The following PDE10A variants were observed in gnomAD, a reference collection of about 807,000 sequenced individuals.
PDE10A encodes cAMP and cAMP-inhibited cGMP 3',5'-cyclic phosphodiesterase 10A.
A neutral mutation model predicts 97.7 loss-of-function variants in PDE10A; 39 were observed. The observed-to-expected ratio is 0.40, with a 90% CI of 0.31 to 0.52. PDE10A has a LOEUF of 0.52. Among genes scored for constraint, PDE10A ranks in the 20% least tolerant of loss-of-function variants. The pLI is 0.56. For missense variants in PDE10A, 731 were observed against 1,047.8 expected, an observed-to-expected ratio of 0.70 and a Z score of 4.17; for synonymous variants, 371 against 376.8, an observed-to-expected ratio of 0.98 and a Z score of 0.18.
intron 1 of PDE10A, among the ~76,000 whole-genome samples, chr6:165,607,470 T>C (rs538852414): frequency 3.3e-5 from 5 of 152,308 alleles, no homozygotes; most frequent in East Asian, 1.9e-4. Flanking sequence ...GCATAGGGAT[T>C]GTAGCCTAGG....
intron 1 of PDE10A, among the ~76,000 whole-genome samples, chr6:165,645,134 C>A (rs185135685): frequency 4.6e-5 from 7 of 152,294 alleles, no homozygotes; most frequent in Admixed American, 4.6e-4. Context: ...AGGCGCACAT[C>A]TGAGCCTTGC....
At chr6:165,473,445 AAAT>A (rs1342239670) in intron 3 of PDE10A, among the ~76,000 whole-genome samples, 1 of 152,182 alleles carries the variant, frequency 6.6e-6, no homozygotes, top group Non-Finnish European at 1.5e-5. Flanking sequence ...TTCAGAAGGT[AAAT>A]TCCAGTGTGA....
At chr6:165,460,363 G>A (rs1849204) in intron 3 of PDE10A, among the ~76,000 whole-genome samples, 68,091 of 152,048 alleles carry the variant, frequency 0.45, 16,130 homozygotes, top group African/African-American at 0.59. Context: ...CAGAGCCAGG[G>A]AAGCACAAAG....
chr6:165,336,214 G>T lies in PDE10A; in HGVS notation c.2977-3C>A. The T allele has an allele frequency of 6.2e-7, 1 of 1,611,738 alleles. No homozygotes were observed. Among genetic ancestry groups the T allele is most frequent in the Non-Finnish European group, 8.5e-7 (1 of 1,178,062 alleles). The stretch of plus-strand genomic sequence containing the variant: ...GCCACGGCATTGTAGAACCCAAGCT[G>T]CCTCCATGCAAAAACCACGGACAAG... On this transcript the variant is annotated splice_polypyrimidine_tract_variant and splice_region_variant and intron_variant, in intron 20 of 21. Coordinates refer to ENST00000539869, the MANE Select transcript of PDE10A (RefSeq NM_001385079.1).
rs567261107 is a variant in PDE10A at position 165,739,557 on chromosome 6, G to T, written c.-614-195989C>A. ...AATGCTAGAAGAAAACAGAGAAAAA[G>T]CTTTTGAAATTGGTCTGGGCTATGA... On this transcript the variant is annotated intron_variant, in intron 1 of 19. Transcript: ENST00000366882. Among the ~76,000 whole-genome samples, 11 of 151,716 alleles carry T rather than the reference G, an allele frequency of 7.3e-5. No individual in the cohort carries two copies. In the South Asian group the frequency reaches 2.3e-3, roughly 32 times the overall value.
chr6:165,619,439 GTAGTATAGTC>G (rs2128407360), intron 1 of PDE10A, among the ~76,000 whole-genome samples: 1 of 15,460 alleles, frequency 6.5e-5, no homozygotes, highest in Admixed American at 5.6e-4. Context: ...ATAGTGTAGT[GTAGTATAGTC>G]TAGTGTAGTG....
intron 1 of PDE10A, among the ~76,000 whole-genome samples, chr6:165,935,656 C>A (rs1484816286): frequency 1.3e-5 from 2 of 152,256 alleles, no homozygotes; most frequent in Middle Eastern, 3.4e-3. Flanking sequence ...AAACTTAAAT[C>A]CCAATGCAAC....
At chr6:165,921,632 C>G (rs1448268812) in intron 1 of PDE10A, among the ~76,000 whole-genome samples, 1 of 152,114 alleles carries the variant, frequency 6.6e-6, no homozygotes, top group Non-Finnish European at 1.5e-5. Context: ...AGGGGTGAGG[C>G]AGTGATACCT....
chr6:165,523,285 G>A (rs1205599423), intron 2 of PDE10A, among the ~76,000 whole-genome samples: 1 of 151,988 alleles, frequency 6.6e-6, no homozygotes, highest in Non-Finnish European at 1.5e-5. Flanking sequence ...AATTCATATG[G>A]AACCACATAA....
At chr6:165,560,512 G>C (rs577345315) in intron 1 of PDE10A, among the ~76,000 whole-genome samples, 1 of 152,236 alleles carries the variant, frequency 6.6e-6, no homozygotes, top group Non-Finnish European at 1.5e-5. Flanking sequence ...CTGTGAGCCA[G>C]TAAACGGGTG....
At chr6:165,481,878 C>T (rs1424668054) in intron 3 of PDE10A, among the ~76,000 whole-genome samples, 1 of 152,170 alleles carries the variant, frequency 6.6e-6, no homozygotes, top group Non-Finnish European at 1.5e-5. Flanking sequence ...GGGCAGGTAG[C>T]GGACATGAGT....
chr6:165,827,147 C>A (rs1383289064), intron 1 of PDE10A, among the ~76,000 whole-genome samples: 1 of 152,226 alleles, frequency 6.6e-6, no homozygotes, highest in Non-Finnish European at 1.5e-5. Flanking sequence ...GGTCTAGACG[C>A]TTCCCCTCTT....
At chr6:165,597,625 G>A (rs1035206122) in intron 1 of PDE10A, among the ~76,000 whole-genome samples, 2 of 152,110 alleles carry the variant, frequency 1.3e-5, no homozygotes, top group African/African-American at 2.4e-5. Flanking sequence ...AAAGACTTAC[G>A]TGCATTTTAT....
intron 1 of PDE10A, among the ~76,000 whole-genome samples, chr6:165,837,374 C>A (rs1194566886): frequency 1.3e-5 from 2 of 152,136 alleles, no homozygotes; most frequent in African/African-American, 4.8e-5. Context: ...GAGTTAAAAT[C>A]GTCTATTCTT....
rs1789327629 is a variant in PDE10A, at chr6:165,428,555, A to C, written c.1653+103T>G. On this transcript the variant is annotated intron_variant, in intron 10 of 21. Coordinates refer to ENST00000539869, the MANE Select transcript of PDE10A (RefSeq NM_001385079.1). ...TCCTAAGCCACCACATTTTCATAATATTGAAAGTGCCTGTGGATGAATAAG... is the reference window on the plus strand; with the variant it reads ...TCCTAAGCCACCACATTTTCATAATCTTGAAAGTGCCTGTGGATGAATAAG... The C allele has an allele frequency of 6.4e-6, 4 of 621,000 alleles. No individual in the cohort carries two copies. The South Asian group carries it at 8.1e-5, about 13-fold the overall frequency. The allele number at this position is 621,000 out of a possible 1,614,324, so 38.5% of individuals were successfully genotyped here.
chr6:165,726,352 T>TA (rs1378824604), intron 1 of PDE10A, among the ~76,000 whole-genome samples: 2 of 152,118 alleles, frequency 1.3e-5, no homozygotes, highest in Non-Finnish European at 2.9e-5. Flanking sequence ...CAGGAAACAT[T>TA]AAAAAATATT....
chr6:165,634,718 C>T (rs1457696491), intron 1 of PDE10A, among the ~76,000 whole-genome samples: 7 of 152,166 alleles, frequency 4.6e-5, no homozygotes, highest in Admixed American at 4.6e-4. Context: ...AATTTGAACT[C>T]GTAGTTTACA....
chr6:165,523,578 G>T (rs1562546126), intron 2 of PDE10A, among the ~76,000 whole-genome samples: 1 of 152,070 alleles, frequency 6.6e-6, no homozygotes, highest in Non-Finnish European at 1.5e-5. Context: ...GCAGAAGAAA[G>T]AACCTAGACC....
chr6:165,860,565 T>A (rs115120724), intron 1 of PDE10A, among the ~76,000 whole-genome samples: 1,594 of 152,340 alleles, frequency 0.01, 25 homozygotes, highest in African/African-American at 0.034. Context: ...ACGGCAACTG[T>A]TGGACCTCAG....
Sources: allele counts gnomAD v4.1 joint callset (sites outside exome capture counted in the v4.1 genomes callset), GRCh38; gene constraint gnomAD v4.1.1; transcripts MANE v1.5; gene names NCBI Gene and HGNC (gene_info 2026-07-23, HGNC 2026-07-21).